RTL4: variants seen among roughly 807,000 people sequenced by gnomAD.
The protein encoded by RTL4 is retrotransposon Gag-like protein 4.
RTL4 carries 4 observed loss-of-function variants against 5.3 expected under a neutral mutation model. That is an observed-to-expected ratio of 0.75 (90% CI 0.37 to 1.72). The LOEUF (loss-of-function observed/expected upper bound fraction) is 1.72. RTL4 is among the 40% of genes most tolerant of loss of function. RTL4 has a pLI of 0.04. For synonymous variants in RTL4, 98 were observed against 87.3 expected (o/e 1.12, Z -0.68); for missense variants, 260 against 227.1 (o/e 1.14, Z -0.93).
At chrX:112,133,720 G>A in the RTL4 span, among the ~76,000 whole-genome samples, 2 of 111,880 alleles carry the variant, frequency 1.8e-5, no homozygotes, top group Admixed American at 1.9e-4. Flanking sequence ...AAAAATAAGG[G>A]TATTTAACAT....
At chrX:112,260,749 G>A in the RTL4 span, among the ~76,000 whole-genome samples, 2 of 111,553 alleles carry the variant, frequency 1.8e-5, no homozygotes, top group African/African-American at 3.3e-5. Context: ...TTCTTACCTC[G>A]ATCCTGCTAT....
the RTL4 span, among the ~76,000 whole-genome samples, chrX:112,125,087 T>G: frequency 0.15 from 16,196 of 105,209 alleles, 2,091 homozygotes; most frequent in African/African-American, 0.41. Context: ...TTTTTTTTTA[T>G]TAGAGATGGG....
chrX:112,218,665 G>C, the RTL4 span, among the ~76,000 whole-genome samples: 2 of 111,610 alleles, frequency 1.8e-5, no homozygotes, highest in Non-Finnish European at 3.8e-5. Flanking sequence ...TCTAGTTCTT[G>C]CCTCTGATTG....
At chrX:112,412,499 C>A in the RTL4 span, among the ~76,000 whole-genome samples, 31 of 111,313 alleles carry the variant, frequency 2.8e-4, no homozygotes, top group East Asian at 2.0e-3. Context: ...ACCAGCATAA[C>A]AACAGACACC....
the RTL4 span, among the ~76,000 whole-genome samples, chrX:112,222,064 T>A: frequency 1.8e-5 from 2 of 111,988 alleles, no homozygotes; most frequent in Non-Finnish European, 3.8e-5. Flanking sequence ...GTAAGTTCTA[T>A]GATATCACTG....
the RTL4 span, among the ~76,000 whole-genome samples, chrX:112,236,982 T>G: frequency 9.0e-6 from 1 of 111,171 alleles, no homozygotes; most frequent in Non-Finnish European, 1.9e-5. Flanking sequence ...GTTGGAATGA[T>G]GCAATTGCTG....
the RTL4 span, among the ~76,000 whole-genome samples, chrX:112,248,378 G>C: frequency 8.9e-6 from 1 of 112,293 alleles, no homozygotes; most frequent in Admixed American, 9.5e-5. Context: ...TGGATAATTT[G>C]ATATTCTTAG....
chrX:112,352,330 C>A, the RTL4 span, among the ~76,000 whole-genome samples: 2 of 109,264 alleles, frequency 1.8e-5, no homozygotes, highest in Non-Finnish European at 3.8e-5. Flanking sequence ...GAAAAAAATA[C>A]TTTAATGTTC....
At chrX:112,295,688 C>T in the RTL4 span, among the ~76,000 whole-genome samples, 1 of 112,626 alleles carries the variant, frequency 8.9e-6, no homozygotes, top group East Asian at 2.8e-4. Context: ...TCAACTGTAG[C>T]TGATGGGAGG....
the RTL4 span, among the ~76,000 whole-genome samples, chrX:112,295,083 T>C: frequency 8.9e-6 from 1 of 112,742 alleles, no homozygotes; most frequent in Non-Finnish European, 1.9e-5. Flanking sequence ...ATTTGAATCA[T>C]AGCATGTCCA....
chrX:112,151,600 T>A, the RTL4 span, among the ~76,000 whole-genome samples: 3 of 112,124 alleles, frequency 2.7e-5, no homozygotes, highest in Non-Finnish European at 5.6e-5. Context: ...GCTGAATGTC[T>A]TTTCACTATT....
At chrX:112,198,343 A>G in the RTL4 span, among the ~76,000 whole-genome samples, 12 of 111,563 alleles carry the variant, frequency 1.1e-4, no homozygotes, top group African/African-American at 3.6e-4. Context: ...ATTTATTATC[A>G]TGTGTCCCCA....
the RTL4 span, among the ~76,000 whole-genome samples, chrX:112,269,392 C>A: frequency 9.0e-6 from 1 of 111,212 alleles, no homozygotes; most frequent in Non-Finnish European, 1.9e-5. Context: ...TTAGAGGGAC[C>A]TTTAGTTTCC....
chrX:112,156,821 A>G, the RTL4 span, among the ~76,000 whole-genome samples: 1 of 111,624 alleles, frequency 9.0e-6, no homozygotes, highest in Admixed American at 9.6e-5. Context: ...TTATATCTGC[A>G]ATACCACCAA....
the RTL4 span, among the ~76,000 whole-genome samples, chrX:112,255,896 C>A: frequency 9.0e-6 from 1 of 111,727 alleles, no homozygotes; most frequent in Non-Finnish European, 1.9e-5. Flanking sequence ...GACCGTAATA[C>A]TCTAGGTATG....
chrX:112,362,610 C>T, the RTL4 span, among the ~76,000 whole-genome samples: 8 of 110,630 alleles, frequency 7.2e-5, no homozygotes, highest in Admixed American at 1.9e-4. Context: ...AAATGACCAA[C>T]GGAGAGAGTA....
the RTL4 span, among the ~76,000 whole-genome samples, chrX:112,431,976 C>T: frequency 3.3e-4 from 30 of 90,513 alleles, 1 homozygote; most frequent in South Asian, 1.1e-3. Flanking sequence ...TGAGAATATG[C>T]GGTGTTTGTT....
At chrX:112,156,358 C>T in the RTL4 span, among the ~76,000 whole-genome samples, 134 of 112,471 alleles carry the variant, frequency 1.2e-3, no homozygotes, top group Middle Eastern at 9.2e-3. Context: ...AAAATGGCAT[C>T]GTTATTTCAT....
the RTL4 span, among the ~76,000 whole-genome samples, chrX:112,250,073 G>A: frequency 9.1e-6 from 1 of 109,730 alleles, no homozygotes; most frequent in Non-Finnish European, 1.9e-5. Flanking sequence ...TCAGGAGATC[G>A]AGACCATCCT....
Sources: allele counts gnomAD v4.1 joint callset (sites outside exome capture counted in the v4.1 genomes callset), GRCh38; gene constraint gnomAD v4.1.1; transcripts MANE v1.5; gene names NCBI Gene and HGNC (gene_info 2026-07-23, HGNC 2026-07-21).